The following PTPRD variants were observed in gnomAD, a reference collection of about 807,000 sequenced individuals.
PTPRD encodes protein tyrosine phosphatase receptor type D.
Under a neutral mutation model 214.5 loss-of-function variants are expected in PTPRD, and 34 were observed. The observed-to-expected ratio is 0.16, with a 90% CI of 0.12 to 0.21. The LOEUF is 0.21. PTPRD is among the 10% of genes least tolerant of loss of function. The pLI is 1.00. For missense variants in PTPRD, 2,545 were observed against 2,398.7 expected (o/e 1.06, Z -1.27); for synonymous variants, 1,128 against 845.7 (o/e 1.33, Z -5.79).
intron 2 of PTPRD, among the ~76,000 whole-genome samples, chr9:10,456,386 T>C (rs890680725): frequency 3.2e-4 from 49 of 152,048 alleles, no homozygotes; most frequent in African/African-American, 1.1e-3. Context: ...AGCATGATGG[T>C]GTTGGTTAGC....
intron 11 of PTPRD, among the ~76,000 whole-genome samples, chr9:8,834,120 G>C (rs1047583639): frequency 6.6e-6 from 1 of 151,950 alleles, no homozygotes; most frequent in East Asian, 1.9e-4. Flanking sequence ...TCCCTTCATA[G>C]TCACCTACTT....
chr9:10,204,977 T>C (rs1450025499), intron 3 of PTPRD, among the ~76,000 whole-genome samples: 2 of 152,164 alleles, frequency 1.3e-5, no homozygotes, highest in Admixed American at 1.3e-4. Flanking sequence ...ATAAGGAACA[T>C]TTGAGTACAA....
At chr9:10,602,961 T>C (rs556621786) in intron 2 of PTPRD, among the ~76,000 whole-genome samples, 2 of 151,926 alleles carry the variant, frequency 1.3e-5, no homozygotes, top group African/African-American at 2.4e-5. Flanking sequence ...TATTCCACCA[T>C]GCCTCTCATA....
intron 9 of PTPRD, among the ~76,000 whole-genome samples, chr9:9,255,169 T>G (rs1480843606): frequency 1.3e-5 from 2 of 152,094 alleles, no homozygotes; most frequent in African/African-American, 4.8e-5. Flanking sequence ...TGTAGTTCAT[T>G]GCCACTGGAA....
At chr9:9,181,947 G>C (rs1024596091) in intron 10 of PTPRD, among the ~76,000 whole-genome samples, 1 of 152,000 alleles carries the variant, frequency 6.6e-6, no homozygotes, top group South Asian at 2.1e-4. Context: ...AATGGAAACT[G>C]ATTCTATACA....
At chr9:8,753,808 C>G (rs930143317) in intron 11 of PTPRD, among the ~76,000 whole-genome samples, 1 of 152,104 alleles carries the variant, frequency 6.6e-6, no homozygotes, top group Non-Finnish European at 1.5e-5. Flanking sequence ...TTAAAGAAGA[C>G]TTAAATAAAT....
intron 10 of PTPRD, among the ~76,000 whole-genome samples, chr9:9,178,645 G>C (rs2099926355): frequency 6.6e-6 from 1 of 152,002 alleles, no homozygotes; most frequent in Non-Finnish European, 1.5e-5. Context: ...GGCTTTTAGA[G>C]CTGAAAAGCA....
At chr9:9,566,767 T>G (rs964222588) in intron 8 of PTPRD, among the ~76,000 whole-genome samples, 5 of 152,076 alleles carry the variant, frequency 3.3e-5, no homozygotes, top group African/African-American at 1.2e-4. Context: ...GTAAAACCTT[T>G]GGACATTTGT....
chr9:10,592,957 C>G (rs1041975528), intron 2 of PTPRD, among the ~76,000 whole-genome samples: 4 of 151,914 alleles, frequency 2.6e-5, no homozygotes, highest in Non-Finnish European at 5.9e-5. Flanking sequence ...CTTTCATGTT[C>G]TTTCGCTCTT....
intron 9 of PTPRD, among the ~76,000 whole-genome samples, chr9:9,376,799 G>A (rs374214382): frequency 6.6e-5 from 10 of 151,932 alleles, no homozygotes; most frequent in African/African-American, 2.2e-4. Context: ...AAAAAGAAAG[G>A]CGGGATCCAA....
At chr9:8,718,967 G>A (rs1023600104) in intron 12 of PTPRD, among the ~76,000 whole-genome samples, 1 of 152,162 alleles carries the variant, frequency 6.6e-6, no homozygotes, top group Non-Finnish European at 1.5e-5. Context: ...ATCTACACCA[G>A]AAGCATCTAT....
chr9:8,522,783 G>T (rs987415968), intron 19 of PTPRD, among the ~76,000 whole-genome samples: 4 of 152,118 alleles, frequency 2.6e-5, no homozygotes, highest in Non-Finnish European at 5.9e-5. Flanking sequence ...CATACCATAA[G>T]AATTTGAGAT....
chr9:9,620,081 C>T (rs2154352181), intron 7 of PTPRD, among the ~76,000 whole-genome samples: 1 of 151,964 alleles, frequency 6.6e-6, no homozygotes, highest in East Asian at 1.9e-4. Context: ...GCATTGAAGT[C>T]CTTCTGATGA....
At chr9:10,287,777 G>C (rs1176372764) in intron 3 of PTPRD, among the ~76,000 whole-genome samples, 11 of 151,824 alleles carry the variant, frequency 7.2e-5, no homozygotes, top group Non-Finnish European at 1.3e-4. Flanking sequence ...ACATTAACTA[G>C]CAACTATCCC....
intron 10 of PTPRD, among the ~76,000 whole-genome samples, chr9:9,107,237 C>T (rs1037607137): frequency 6.6e-6 from 1 of 151,980 alleles, no homozygotes; most frequent in African/African-American, 2.4e-5. Context: ...CTAGTATACA[C>T]CCATTGATTC....
chr9:9,977,542 A>T (rs6477439), intron 4 of PTPRD, among the ~76,000 whole-genome samples: 116,101 of 152,040 alleles, frequency 0.76, 44,917 homozygotes, highest in Middle Eastern at 0.89. Context: ...ACAAGGAGGT[A>T]AGTGATTTTT....
At chr9:9,532,579 C>G (rs890095493) in intron 8 of PTPRD, among the ~76,000 whole-genome samples, 3 of 152,144 alleles carry the variant, frequency 2.0e-5, no homozygotes, top group Admixed American at 1.3e-4. Context: ...TTCAGGAAAG[C>G]TACATGAAAA....
intron 10 of PTPRD, among the ~76,000 whole-genome samples, chr9:9,024,491 T>A (rs1291197994): frequency 6.6e-6 from 1 of 151,636 alleles, no homozygotes; most frequent in African/African-American, 2.4e-5. Context: ...AATTATAATA[T>A]CTATTGCCAA....
chr9:9,204,570 T>C (rs575159779), intron 9 of PTPRD, among the ~76,000 whole-genome samples: 4 of 152,268 alleles, frequency 2.6e-5, no homozygotes, highest in South Asian at 4.1e-4. Flanking sequence ...TCTATATAAC[T>C]CTGGCTTAAT....
Sources: gnomAD v4.1 joint callset for allele counts (sites outside exome capture counted in the v4.1 genomes callset) on GRCh38, gnomAD v4.1.1 for gene constraint, MANE v1.5 for transcripts, NCBI Gene and HGNC (gene_info 2026-07-23, HGNC 2026-07-21) for gene names.